Variants in CYP24A1 observed in about 807,000 individuals in gnomAD.
The protein encoded by CYP24A1 is cytochrome P450 family 24 subfamily A member 1, also known as 1,25-dihydroxyvitamin D(3) 24-hydroxylase, mitochondrial.
In CYP24A1, 68 loss-of-function variants were observed where a neutral mutation model predicts 62.4. That is an observed-to-expected ratio of 1.09 (90% CI 0.90 to 1.33). The LOEUF (loss-of-function observed/expected upper bound fraction) is 1.33. Ranked by LOEUF, CYP24A1 falls within the 40% of genes most tolerant of loss-of-function variation. CYP24A1 has a pLI of 0.00. For synonymous variants in CYP24A1, 267 were observed against 253.0 expected, an observed-to-expected ratio of 1.06 and a Z score of -0.52; for missense variants, 787 against 653.0, an observed-to-expected ratio of 1.21 and a Z score of -2.24.
At chr20:54,167,526 C>G (rs1002173267) in intron 4 of CYP24A1, among the ~76,000 whole-genome samples, 1 of 152,110 alleles carries the variant, frequency 6.6e-6, no homozygotes, top group African/African-American at 2.4e-5. Flanking sequence ...AATACCAGCA[C>G]TTTGGGAGGC....
intron 4 of CYP24A1, 62 bp from the exon 5 acceptor site, chr20:54,165,895 T>C: frequency 8.9e-6 from 8 of 898,700 alleles, no homozygotes; most frequent in Non-Finnish European, 1.5e-5. Flanking sequence ...AGTCTATGTT[T>C]AGCTGGTTAT....
At chr20:54,161,359 C>T (rs1256654368) in intron 7 of CYP24A1, among the ~76,000 whole-genome samples, 2 of 151,924 alleles carry the variant, frequency 1.3e-5, no homozygotes, top group East Asian at 3.9e-4. Flanking sequence ...TTACACCATC[C>T]TGATGGCGTC....
rs777867868 is a variant in CYP24A1 at position 54,164,581 on chromosome 20, G to C, written c.733-18C>G. The stretch of plus-strand genomic sequence containing the variant: ...CTCATCATCTGAGAGAAATGCAAAT[G>C]CCTTTTTATTCTGAATTCTCCTTCT... On this transcript the variant is annotated intron_variant, in intron 5 of 11. Transcript: ENST00000216862. 1 of 1,614,088 alleles carries C rather than the reference G, an allele frequency of 6.2e-7. No individual in the cohort carries two copies. Among genetic ancestry groups the C allele is most frequent in the Admixed American group, 1.7e-5 (1 of 60,008 alleles).
At chr20:54,157,989 A>G in intron 9 of CYP24A1, 97 bp downstream of exon 9, 1 of 1,565,844 alleles carries the variant, frequency 6.4e-7, no homozygotes, top group Non-Finnish European at 8.6e-7. Flanking sequence ...CCCAAAATGA[A>G]TATTTTCCAG....
chr20:54,164,388 T>A (rs2092663248), intron 6 of CYP24A1, 64 bp downstream of exon 6: 2 of 1,612,928 alleles, frequency 1.2e-6, no homozygotes, highest in Non-Finnish European at 1.7e-6. Flanking sequence ...AGACCTCCTC[T>A]CTGAAGCTCC....
At chr20:54,165,081 T>G (rs2092666508) in intron 5 of CYP24A1, among the ~76,000 whole-genome samples, 1 of 152,254 alleles carries the variant, frequency 6.6e-6, no homozygotes, top group African/African-American at 2.4e-5. Flanking sequence ...TTAATGTGCT[T>G]CTTTATGTTA....
At chr20:54,146,786 T>C in the CYP24A1 span, among the ~76,000 whole-genome samples, 5 of 152,184 alleles carry the variant, frequency 3.3e-5, no homozygotes, top group Admixed American at 2.0e-4. Flanking sequence ...CATTGGTACT[T>C]GGGAGTTGAT....
At chr20:54,171,737 C>T (rs754196290) in intron 2 of CYP24A1, 67 bp from the exon 3 acceptor site, 1 of 1,613,210 alleles carries the variant, frequency 6.2e-7, no homozygotes, top group Non-Finnish European at 8.5e-7. Flanking sequence ...AGAAATACTC[C>T]AGCTGCAACT....
At position 54,157,506 on chromosome 20, in the gene CYP24A1, C is replaced by G; in HGVS notation, c.1316G>C (p.Arg439Pro). The G allele has an allele frequency of 1.3e-6, 2 of 1,594,302 alleles. No individual in the cohort carries two copies. The highest frequency in any genetic ancestry group is 2.2e-5 in the South Asian group (2 of 90,676). The change falls in exon 10 of 12, where the codon CGT becomes CCT. Residue 439 changes from arginine (R) to proline (P), a missense_variant. Transcript: ENST00000216862. ...AATTTTTTCCTTCTCCTGAAGCCAA[C>G]GTTCAGGTCTAAACTGACTTGAATC... ...FEDSSQFRPE[R>P]WLQEKEKINP... is the part of the protein sequence containing the mutation.
At chr20:54,157,941 T>A in intron 9 of CYP24A1, 145 bp downstream of exon 9, 8 of 1,395,564 alleles carry the variant, frequency 5.7e-6, no homozygotes, top group Non-Finnish European at 7.7e-6. Context: ...AATTCTATAC[T>A]ATGCAACATG....
In CYP24A1 at chr20:54,173,267, C is replaced by T. The variant is rs1403843200; in HGVS notation, c.258+55G>A. Reference sequence around the variant, plus strand: ...CGCATGTCGGGGAGGGTTTGGAGCGCCACTGGGAGGGCGGAAGAGGGAGGA... The same window carrying T: ...CGCATGTCGGGGAGGGTTTGGAGCGTCACTGGGAGGGCGGAAGAGGGAGGA... On this transcript the variant is annotated intron_variant, in intron 1 of 11. Coordinates refer to ENST00000216862, the MANE Select transcript of CYP24A1 (RefSeq NM_000782.5). This position sits in a 1 kb window ranked among gnomAD's most constrained non-coding sequence, Gnocchi z 7.2. The T allele has an allele frequency of 1.3e-6, 2 of 1,561,550 alleles. No homozygotes were observed. The highest frequency in any genetic ancestry group is 1.4e-5 in the African/African-American group (1 of 73,852).
chr20:54,156,172 G>A (rs1227604556), intron 11 of CYP24A1, among the ~76,000 whole-genome samples: 1 of 152,116 alleles, frequency 6.6e-6, no homozygotes, highest in Non-Finnish European at 1.5e-5. Flanking sequence ...AAATTTATCA[G>A]AACACAGCCT....
At chr20:54,152,085 C>T (rs2092613495), downstream of CYP24A1, among the ~76,000 whole-genome samples, 1 of 152,234 alleles carries the variant, frequency 6.6e-6, no homozygotes, top group African/African-American at 2.4e-5. Flanking sequence ...GTGGCCCTTG[C>T]TCCACCCTGT....
chr20:54,151,852 T>C (rs2762932), downstream of CYP24A1, among the ~76,000 whole-genome samples: 25,920 of 152,034 alleles, frequency 0.17, 2,349 homozygotes, highest in South Asian at 0.3. Context: ...AGGAGATTAC[T>C]GAGCACCTCT....
rs762099676 is a variant in CYP24A1, at chr20:54,158,194, T to C, written c.1158-30A>G. The C allele has an allele frequency of 5.0e-6, 8 of 1,612,674 alleles. No individual in the cohort carries two copies. The African/African-American group carries it at 9.3e-5, about 19-fold the overall frequency. ...AAAGATAAAATCAAAGATGTAAAGG[T>C]GAGCACAGTCTAAGTTCTCTCTGAA... is the stretch of plus-strand genomic sequence containing the variant. On this transcript the variant is annotated intron_variant, in intron 8 of 11. Transcript: ENST00000216862.
intron 4 of CYP24A1, among the ~76,000 whole-genome samples, chr20:54,167,065 A>G (rs1265302190): frequency 6.6e-6 from 1 of 152,148 alleles, no homozygotes; most frequent in East Asian, 1.9e-4. Flanking sequence ...GATTACTGCA[A>G]CCAACTTTTT....
At chr20:54,151,707 C>T (rs1004247093), downstream of CYP24A1, among the ~76,000 whole-genome samples, 12 of 152,012 alleles carry the variant, frequency 7.9e-5, no homozygotes, top group Admixed American at 1.3e-4. Context: ...GGACTACAGG[C>T]GCGTGCCACC....
the CYP24A1 span, among the ~76,000 whole-genome samples, chr20:54,148,192 T>C: frequency 0.31 from 46,572 of 151,936 alleles, 8,710 homozygotes; most frequent in Admixed American, 0.44. Context: ...CTTTTCTTTT[T>C]TTTTTTGAGA....
chr20:54,158,259 C>T, intron 8 of CYP24A1, 95 bp from the exon 9 acceptor site: 1 of 1,576,360 alleles, frequency 6.3e-7, no homozygotes, highest in South Asian at 1.1e-5. Flanking sequence ...TAAATGCTGC[C>T]CAAGTGCATA....
Sources: gnomAD v4.1 joint callset for allele counts (sites outside exome capture counted in the v4.1 genomes callset) on GRCh38, gnomAD v4.1.1 for gene constraint, Gnocchi (gnomAD v3.1) non-coding constraint, MANE v1.5 for transcripts, NCBI Gene and HGNC (gene_info 2026-07-23, HGNC 2026-07-21) for gene names.